The following DPP6 variants were observed in gnomAD, a reference collection of about 807,000 sequenced individuals.
DPP6 encodes A-type potassium channel modulatory protein DPP6.
Under a neutral mutation model 122.6 loss-of-function variants are expected in DPP6, and 69 were observed. The ratio of observed to expected loss-of-function variants is 0.56; its 90% CI spans 0.46 to 0.69. The LOEUF (loss-of-function observed/expected upper bound fraction) is 0.69. DPP6 is among the 30% of genes least tolerant of loss of function. The pLI, the probability that DPP6 is intolerant of heterozygous loss-of-function variation, is 0.00. For missense variants in DPP6, 928 were observed against 1,116.9 expected (o/e 0.83, Z 2.41); for synonymous variants, 418 against 433.1 (o/e 0.97, Z 0.43).
intron 1 of DPP6, among the ~76,000 whole-genome samples, chr7:154,361,198 G>A (rs1172221137): frequency 6.6e-6 from 1 of 152,156 alleles, no homozygotes; most frequent in Non-Finnish European, 1.5e-5. Context: ...GTGCCTACTG[G>A]ATAGTTACCT....
chr7:154,433,146 T>G (rs1030516891), intron 1 of DPP6, among the ~76,000 whole-genome samples: 2 of 128,674 alleles, frequency 1.6e-5, no homozygotes, highest in African/African-American at 3.1e-5. Context: ...GTTTTTTTTT[T>G]TTTTTTTTTT....
At chr7:154,113,744 AT>A (rs1366125821) in intron 1 of DPP6, among the ~76,000 whole-genome samples, 4 of 152,290 alleles carry the variant, frequency 2.6e-5, no homozygotes, top group South Asian at 4.1e-4. Flanking sequence ...TCTTTAATAC[AT>A]TTTGAGTCGT....
At chr7:154,666,187 A>G (rs1482313482) in intron 6 of DPP6, among the ~76,000 whole-genome samples, 7 of 21,510 alleles carry the variant, frequency 3.3e-4, no homozygotes, top group African/African-American at 5.7e-4. Context: ...ATGTGTGTAT[A>G]TATATATATA....
intron 5 of DPP6, among the ~76,000 whole-genome samples, chr7:154,580,657 G>C (rs1326064966): frequency 1.3e-5 from 2 of 152,176 alleles, no homozygotes; most frequent in African/African-American, 4.8e-5. Context: ...TGTGTGAGCT[G>C]TAGTTGTCCA....
At chr7:153,960,534 T>G (rs1202530606) in intron 1 of DPP6, among the ~76,000 whole-genome samples, 1 of 150,992 alleles carries the variant, frequency 6.6e-6, no homozygotes, top group Non-Finnish European at 1.5e-5. Flanking sequence ...GAGTGAGTGA[T>G]ACCGAACTTT....
chr7:154,352,482 ATAAAAATTAAAGACAAAT>A (rs911484622), intron 1 of DPP6, among the ~76,000 whole-genome samples: 1 of 152,158 alleles, frequency 6.6e-6, no homozygotes, highest in African/African-American at 2.4e-5. Flanking sequence ...AAAAATTAAA[ATAAAAATTAAAGACAAAT>A]TAAAAATTTG....
chr7:154,421,922 C>T (rs1172408644), intron 1 of DPP6, among the ~76,000 whole-genome samples: 1 of 152,180 alleles, frequency 6.6e-6, no homozygotes, highest in Non-Finnish European at 1.5e-5. Context: ...TCAGTCAGAG[C>T]TACAGGACAT....
chr7:154,235,062 A>G (rs1563348643), intron 1 of DPP6, among the ~76,000 whole-genome samples: 1 of 152,240 alleles, frequency 6.6e-6, no homozygotes, highest in Non-Finnish European at 1.5e-5. Flanking sequence ...TACCCATTTA[A>G]AGCATACAAT....
At chr7:154,532,922 T>C (rs1827960042) in intron 3 of DPP6, among the ~76,000 whole-genome samples, 1 of 152,186 alleles carries the variant, frequency 6.6e-6, no homozygotes, top group Non-Finnish European at 1.5e-5. Context: ...ATCCTCTGAC[T>C]TTCTTCTGAA....
chr7:154,593,593 G>A (rs1432730887), intron 5 of DPP6, among the ~76,000 whole-genome samples: 1 of 152,212 alleles, frequency 6.6e-6, no homozygotes, highest in African/African-American at 2.4e-5. Flanking sequence ...CCACCAATGT[G>A]TATCTACATA....
chr7:153,937,682 A>T (rs904734979), intron 1 of DPP6, among the ~76,000 whole-genome samples: 1 of 152,016 alleles, frequency 6.6e-6, no homozygotes, highest in Admixed American at 6.5e-5. Context: ...TCCTGACCTC[A>T]AGTGACCATC....
chr7:154,175,222 G>A (rs1271283137), intron 1 of DPP6, among the ~76,000 whole-genome samples: 3 of 152,008 alleles, frequency 2.0e-5, no homozygotes, highest in African/African-American at 7.3e-5. Flanking sequence ...CTGTCACCTG[G>A]TGTCACACCA....
chr7:154,007,237 G>C (rs1262526277), intron 1 of DPP6, among the ~76,000 whole-genome samples: 1 of 152,164 alleles, frequency 6.6e-6, no homozygotes, highest in African/African-American at 2.4e-5. Context: ...GTATCTTTGG[G>C]CTTCTTATAA....
At chr7:154,779,040 C>G (rs1437447218) in intron 10 of DPP6, among the ~76,000 whole-genome samples, 4 of 148,088 alleles carry the variant, frequency 2.7e-5, no homozygotes, top group Non-Finnish European at 4.5e-5. Context: ...ACCACCACCA[C>G]CACAACTACC....
the DPP6 span, among the ~76,000 whole-genome samples, chr7:153,817,751 C>A: frequency 8.1e-6 from 1 of 124,166 alleles, no homozygotes; most frequent in Non-Finnish European, 1.6e-5. Flanking sequence ...GAACATCACA[C>A]ACCAGGGCCT....
rs143380593 is a variant in DPP6, at chr7:154,246,945, C to A, written c.243+193882C>A. 1.5e-3 allele frequency among the ~76,000 whole-genome samples: 228 copies of A among 152,264 alleles called. 1 individual carries two copies. The highest frequency in any genetic ancestry group is 5.3e-3 in the African/African-American group (221 of 41,562). ...CTTCTCAAGTAGAACCGAAAAAGTT[C>A]CTACCATAAAAAAATTGATCAATTG... On this transcript the variant is annotated intron_variant, in intron 1 of 25. Transcript: ENST00000377770.
chr7:153,988,213 CAAG>C (rs1239062246), intron 1 of DPP6, among the ~76,000 whole-genome samples: 2 of 152,026 alleles, frequency 1.3e-5, no homozygotes, highest in African/African-American at 4.8e-5. Flanking sequence ...CTGAGGGTGA[CAAG>C]AAGCTGGCGC....
the DPP6 span, among the ~76,000 whole-genome samples, chr7:153,870,959 A>G: frequency 1.3e-5 from 2 of 152,322 alleles, no homozygotes; most frequent in East Asian, 3.9e-4. Flanking sequence ...TGGCTGCAGA[A>G]CAGCAGATAT....
chr7:154,390,161 T>C (rs1313032215), intron 1 of DPP6, among the ~76,000 whole-genome samples: 1 of 152,186 alleles, frequency 6.6e-6, no homozygotes. Context: ...GGGGCTCAGA[T>C]GCAAGTGGGG....
Sources: gnomAD v4.1 joint callset for allele counts (sites outside exome capture counted in the v4.1 genomes callset) on GRCh38, gnomAD v4.1.1 for gene constraint, MANE v1.5 for transcripts, NCBI Gene and HGNC (gene_info 2026-07-23, HGNC 2026-07-21) for gene names.